Variants in HEXA observed in about 807,000 individuals in gnomAD.
HEXA encodes the protein beta-hexosaminidase subunit alpha.
HEXA carries 54 observed loss-of-function variants against 73.3 expected under a neutral mutation model. The ratio of observed to expected loss-of-function variants is 0.74; its 90% CI spans 0.59 to 0.92. The LOEUF (loss-of-function observed/expected upper bound fraction) is 0.92, where lower values mean the gene tolerates loss of function less well. Among genes scored for constraint, HEXA ranks in the 40% least tolerant of loss-of-function variants. The pLI is 0.00. For synonymous variants in HEXA, 230 were observed against 246.9 expected (o/e 0.93, Z 0.64); for missense variants, 649 against 653.0 (o/e 0.99, Z 0.07).
chr15:72,355,261 C>T (rs889509423), intron 3 of HEXA: 4 of 418,862 alleles, frequency 9.5e-6, no homozygotes, highest in African/African-American at 2.0e-5. Flanking sequence ...CGCGGTGGCA[C>T]ACACCTGTAA....
rs2088602452 is a variant in HEXA, at chr15:72,345,615, CA to C, written c.1422-66del. The C allele has an allele frequency of 1.3e-5, 21 of 1,596,552 alleles. No individual in the cohort carries two copies. The South Asian group carries it at 2.1e-4, about 16-fold the overall frequency. On this transcript the variant is annotated intron_variant, in intron 12 of 13. Coordinates refer to ENST00000268097, the MANE Select transcript of HEXA (RefSeq NM_000520.6). The stretch of plus-strand genomic sequence containing the variant: ...TCCCTGCAAAGGTGCTGGACATCCA[CA>C]GGCTGCTACCTCTTGTCTAGGCACC...
At chr15:72,362,418 CT>C (rs2088862976) in intron 1 of HEXA, 1 of 455,668 alleles carries the variant, frequency 2.2e-6, no homozygotes, top group South Asian at 1.5e-5. Flanking sequence ...ATCTCAGTGT[CT>C]TTGTATTCCC....
chr15:72,351,973 AT>A (rs1319954708), intron 5 of HEXA, among the ~76,000 whole-genome samples: 4 of 151,014 alleles, frequency 2.6e-5, no homozygotes. Flanking sequence ...TTATTTATTT[AT>A]TTTTGAGACA....
intron 6 of HEXA, 190 bp from the exon 7 acceptor site, chr15:72,350,840 A>G: frequency 1.5e-6 from 1 of 650,186 alleles, no homozygotes; most frequent in East Asian, 2.7e-5. Context: ...TCTGAGTATC[A>G]TAATGCCAGT....
intron 1 of HEXA, chr15:72,362,485 T>C (rs766059184): frequency 4.6e-5 from 21 of 455,712 alleles, no homozygotes; most frequent in South Asian, 2.8e-4. Flanking sequence ...ATGAATGATG[T>C]TGGAATTCAA....
intron 12 of HEXA, 42 bp downstream of exon 12, chr15:72,346,193 C>A: frequency 6.9e-7 from 1 of 1,459,514 alleles, no homozygotes; most frequent in Non-Finnish European, 9.6e-7. Context: ...AGAACTCCTG[C>A]TCTCAGGCCC....
At position 72,345,878 on chromosome 15, in the gene HEXA, C is replaced by T. The variant is rs952723774; in HGVS notation, c.1422-328G>A. 4 of 522,738 alleles carry T rather than the reference C, an allele frequency of 7.7e-6. No individual in the cohort carries two copies. In the Admixed American group the frequency reaches 1.3e-4, roughly 17 times the overall value. The allele number at this position is 522,738 out of a possible 1,614,324, so 32.4% of individuals were successfully genotyped here. A position where few individuals can be genotyped will look rare whatever the true frequency, so the allele number is the denominator to read the frequency against. ...AAAATGTAAACTTTGCACACCCAAC[C>T]ATACTTGGTAAGGCTGCAGTGAAAA... On this transcript the variant is annotated intron_variant, in intron 12 of 13. Transcript: ENST00000268097.
At chr15:72,358,168 A>G (rs1373040000) in intron 1 of HEXA, 2 of 152,198 alleles carry the variant, frequency 1.3e-5, no homozygotes. Flanking sequence ...AGGAAAAACT[A>G]TACCCCATCC....
chr15:72,365,060 A>G (rs1433960958), intron 1 of HEXA, among the ~76,000 whole-genome samples: 1 of 151,126 alleles, frequency 6.6e-6, no homozygotes, highest in African/African-American at 2.4e-5. Flanking sequence ...TCTTGGCCTC[A>G]AGCATTTCTT....
Position 72,340,992 on chromosome 15 carries a change from C to A in HEXA, c.*3085G>T, listed in dbSNP as rs2088550314. 1 of 151,764 alleles carries A rather than the reference C, an allele frequency of 6.6e-6. No homozygotes were observed. The allele number at this position is 151,764 out of a possible 1,614,324, so 9.4% of individuals were successfully genotyped here. ...ATACAAATTTTGATAAACAAAGCAC[C>A]CAATTCCTACTTATTTTTTTTCTTC... On this transcript the variant is annotated 3_prime_UTR_variant, in exon 14 of 14. Transcript: ENST00000268097.
chr15:72,347,732 C>T lies in HEXA; in HGVS notation c.1100G>A (p.Gly367Asp), dbSNP rs751790384. 1.2e-6 allele frequency: 2 copies of T among 1,614,174 alleles called. No homozygotes were observed. The highest frequency in any genetic ancestry group is 1.7e-6 in the Non-Finnish European group (2 of 1,180,020). Residue 367 changes from glycine (G) to aspartate (D), a missense_variant, in exon 10 of 14, where the codon GGC becomes GAC. Coordinates refer to ENST00000268097, the MANE Select transcript of HEXA (RefSeq NM_000520.6). The stretch of plus-strand genomic sequence containing the variant: ...CTCCTGCCACACCACATAGCCCTTG[C>T]CATAAGAAGAGACGATGTCCAGCAG... ...QTLLDIVSSY[G>D]KGYVVWQEVF...
chr15:72,364,506 T>C (rs910300424), intron 1 of HEXA, among the ~76,000 whole-genome samples: 3 of 152,194 alleles, frequency 2.0e-5, no homozygotes, highest in African/African-American at 4.8e-5. Context: ...TTTTTAGTAT[T>C]ATAAACAACA....
At position 72,341,218 on chromosome 15, in the gene HEXA, C is replaced by T. The variant is rs1171379256; in HGVS notation, c.*2859G>A. The T allele has an allele frequency of 6.6e-6, 1 of 152,214 alleles. No individual in the cohort carries two copies. Among genetic ancestry groups the T allele is most frequent in the African/African-American group, 2.4e-5 (1 of 41,430 alleles). 9.4% of individuals were successfully genotyped at this position (152,214 alleles called of 1,614,324 possible). ...TTCCCAGTATCATTTCAGCTTTCCT[C>T]ACAGTCTCACTGTCCCAGAAGTCTA... On this transcript the variant is annotated 3_prime_UTR_variant, in exon 14 of 14. Transcript: ENST00000268097.
At chr15:72,370,542 T>C in intron 1 of HEXA, 1 of 396,872 alleles carries the variant, frequency 2.5e-6, no homozygotes, top group Non-Finnish European at 4.4e-6. Flanking sequence ...ATGCAAAAAA[T>C]AAAAAAATTA....
At chr15:72,349,729 G>T (rs750183425) in intron 7 of HEXA, among the ~76,000 whole-genome samples, 9 of 152,142 alleles carry the variant, frequency 5.9e-5, no homozygotes, top group Non-Finnish European at 1.5e-5. Context: ...TGACGCTGAG[G>T]TCACAAGATA....
chr15:72,371,971 G>A (rs1220786830), intron 1 of HEXA, among the ~76,000 whole-genome samples: 1 of 152,162 alleles, frequency 6.6e-6, no homozygotes, highest in Non-Finnish European at 1.5e-5. Flanking sequence ...GGATGTGCAG[G>A]TGAACATCAG....
chr15:72,346,555 G>C lies in HEXA; in HGVS notation c.1302C>G (p.Phe434Leu), dbSNP rs202173526. 9.9e-6 allele frequency: 16 copies of C among 1,614,058 alleles called. No homozygotes were observed. The Admixed American group carries it at 1.5e-4, about 15-fold the overall frequency. ...RISYGPDWKD[F>L]YIVEPLAFEG... The stretch of plus-strand genomic sequence containing the variant: ...CAAATGCCAGGGGTTCCACTATGTA[G>C]AAATCCTTCCAGTCAGGGCCATAGG... Residue 434 changes from phenylalanine (F) to leucine (L), a missense_variant, in exon 11 of 14, where the codon TTC becomes TTG. Transcript: ENST00000268097.
intron 2 of HEXA, chr15:72,355,869 G>A (rs2088770940): frequency 1.9e-5 from 11 of 577,862 alleles, no homozygotes; most frequent in South Asian, 1.7e-4. Context: ...TGTACAGCAA[G>A]AGTCAGGCTG....
Position 72,343,508 on chromosome 15 carries a change from G to T in HEXA, c.*569C>A, listed in dbSNP as rs770433545. The T allele has an allele frequency of 6.5e-6, 1 of 154,280 alleles. No individual in the cohort carries two copies. Among genetic ancestry groups the T allele is most frequent in the Admixed American group, 6.3e-5 (1 of 15,752 alleles). 9.6% of individuals were successfully genotyped at this position (154,280 alleles called of 1,614,324 possible). On this transcript the variant is annotated 3_prime_UTR_variant, in exon 14 of 14. Coordinates refer to ENST00000268097, the MANE Select transcript of HEXA (RefSeq NM_000520.6). ...AATTGAAGCAGCAAGAAACCCAAAG[G>T]AGAATAGCTCTAGGGGAGGGAGGTG...
Sources: gnomAD v4.1 joint callset for allele counts (sites outside exome capture counted in the v4.1 genomes callset) on GRCh38, gnomAD v4.1.1 for gene constraint, MANE v1.5 for transcripts, NCBI Gene and HGNC (gene_info 2026-07-23, HGNC 2026-07-21) for gene names.